The following HLCS variants were observed in gnomAD, a reference collection of about 807,000 sequenced individuals.
HLCS encodes biotin--protein ligase.
A neutral mutation model predicts 75.0 loss-of-function variants in HLCS; 53 were observed. The observed-to-expected ratio is 0.71, with a 90% CI of 0.57 to 0.89. The LOEUF (loss-of-function observed/expected upper bound fraction) is 0.89, where lower values mean the gene tolerates loss of function less well. HLCS is among the 40% of genes least tolerant of loss of function. The pLI is 0.00. For synonymous variants in HLCS, 431 were observed against 428.6 expected (o/e 1.01, Z -0.07); for missense variants, 966 against 1,074.0 (o/e 0.90, Z 1.41).
intron 6 of HLCS, among the ~76,000 whole-genome samples, chr21:36,896,358 A>T (rs2065011664): frequency 6.6e-6 from 1 of 152,216 alleles, no homozygotes; most frequent in Non-Finnish European, 1.5e-5. Flanking sequence ...TCAATCAATC[A>T]ATCAATGAAT....
intron 6 of HLCS, among the ~76,000 whole-genome samples, chr21:36,801,782 CTTTT>C (rs113671511): frequency 6.9e-6 from 1 of 145,666 alleles, no homozygotes; most frequent in African/African-American, 2.5e-5. Context: ...GATTTCCTTT[CTTTT>C]TTTTTTTTAA....
At chr21:36,860,722 G>A (rs1374600597) in intron 6 of HLCS, among the ~76,000 whole-genome samples, 8 of 152,232 alleles carry the variant, frequency 5.3e-5, no homozygotes, top group African/African-American at 1.9e-4. Context: ...ACCATGTCTA[G>A]TTTAGACACG....
intron 10 of HLCS, among the ~76,000 whole-genome samples, chr21:36,754,892 G>A (rs1869148711): frequency 6.6e-6 from 1 of 152,164 alleles, no homozygotes; most frequent in South Asian, 2.1e-4. Context: ...ATGTACTCAA[G>A]TCACGTCCTT....
intron 8 of HLCS, among the ~76,000 whole-genome samples, chr21:36,764,808 G>A (rs1485111177): frequency 6.6e-6 from 1 of 152,234 alleles, no homozygotes; most frequent in African/African-American, 2.4e-5. Context: ...GGGAGTTCTG[G>A]GGAATGAATG....
intron 1 of HLCS, chr21:36,974,095 G>A (rs1042622836): frequency 6.6e-6 from 1 of 152,414 alleles, no homozygotes; most frequent in African/African-American, 2.4e-5. Flanking sequence ...TAGGGCTGAG[G>A]GCACACAACA....
At chr21:36,896,765 C>A (rs1319031810) in intron 6 of HLCS, 95 bp downstream of exon 6, 2 of 1,402,372 alleles carry the variant, frequency 1.4e-6, no homozygotes, top group Admixed American at 3.4e-5. Context: ...AAACGTATTC[C>A]TCTACAACTC....
chr21:36,849,319 T>C (rs558174426), intron 6 of HLCS, among the ~76,000 whole-genome samples: 1 of 152,358 alleles, frequency 6.6e-6, no homozygotes, highest in East Asian at 1.9e-4. Context: ...CATAAATATA[T>C]GTGCATATAC....
At chr21:36,942,278 A>C (rs2067178663) in intron 2 of HLCS, among the ~76,000 whole-genome samples, 1 of 152,026 alleles carries the variant, frequency 6.6e-6, no homozygotes. Flanking sequence ...TTTTAGAAAA[A>C]GGAGAAACTG....
At chr21:36,838,095 T>C (rs1433503236) in intron 6 of HLCS, among the ~76,000 whole-genome samples, 1 of 152,056 alleles carries the variant, frequency 6.6e-6, no homozygotes, top group Non-Finnish European at 1.5e-5. Context: ...GGTTGACTAG[T>C]GTAACCAAGG....
intron 5 of HLCS, among the ~76,000 whole-genome samples, chr21:36,904,643 C>G (rs888520981): frequency 1.3e-5 from 2 of 152,064 alleles, no homozygotes; most frequent in Non-Finnish European, 2.9e-5. Flanking sequence ...ACTTTCTCCC[C>G]GCTCCACCAT....
intron 6 of HLCS, among the ~76,000 whole-genome samples, chr21:36,883,158 C>A (rs2064302753): frequency 6.6e-6 from 1 of 152,178 alleles, no homozygotes; most frequent in Admixed American, 6.5e-5. Context: ...AAAGGTATTT[C>A]AGAGCTCAGA....
intron 6 of HLCS, among the ~76,000 whole-genome samples, chr21:36,822,329 AG>A (rs1354048078): frequency 6.6e-6 from 1 of 152,156 alleles, no homozygotes; most frequent in East Asian, 1.9e-4. Context: ...CTGAGGCAGA[AG>A]AATTGCTTGA....
At chr21:36,946,225 C>T (rs1030350077) in intron 2 of HLCS, 2 of 242,762 alleles carry the variant, frequency 8.2e-6, no homozygotes, top group East Asian at 1.8e-4. Flanking sequence ...AGGCTCAATC[C>T]TATCCCTCAA....
Position 36,788,872 on chromosome 21 carries a change from G to T in HLCS, c.1893-21587C>A, listed in dbSNP as rs370159725. On this transcript the variant is annotated intron_variant, in intron 6 of 10. Transcript: ENST00000674895. ...TGTTTTTGTGGGGCACTTTTTTGCGGGGGAAGGGGCAGAAAGATTAGGAAT... is the reference window on the plus strand; with the variant it reads ...TGTTTTTGTGGGGCACTTTTTTGCGTGGGAAGGGGCAGAAAGATTAGGAAT... 2.6e-5 allele frequency among the ~76,000 whole-genome samples: 4 copies of T among 152,232 alleles called. No homozygotes were observed. The East Asian group carries it at 7.7e-4, about 29-fold the overall frequency.
intron 6 of HLCS, among the ~76,000 whole-genome samples, chr21:36,783,822 TAC>T (rs34087473): frequency 0.2 from 29,660 of 151,208 alleles, 3,569 homozygotes; most frequent in Middle Eastern, 0.3. Flanking sequence ...CACATGCACA[TAC>T]ACACACACAC....
intron 1 of HLCS, among the ~76,000 whole-genome samples, chr21:36,978,600 T>TG (rs1488092223): frequency 2.0e-5 from 3 of 152,078 alleles, no homozygotes; most frequent in African/African-American, 7.2e-5. Context: ...GGTGGGATCC[T>TG]GTAGAGCACA....
intron 9 of HLCS, among the ~76,000 whole-genome samples, chr21:36,757,619 C>T (rs2089654449): frequency 1.3e-5 from 2 of 152,222 alleles, no homozygotes; most frequent in Admixed American, 1.3e-4. Context: ...ACAGGCAGAA[C>T]AATGCCATTT....
At chr21:36,926,053 T>C (rs971915998) in intron 5 of HLCS, among the ~76,000 whole-genome samples, 1 of 152,222 alleles carries the variant, frequency 6.6e-6, no homozygotes, top group Admixed American at 6.5e-5. Context: ...GGCGGGAAGA[T>C]GTGGTGGCCA....
intron 6 of HLCS, among the ~76,000 whole-genome samples, chr21:36,889,057 C>G (rs538099594): frequency 6.6e-6 from 1 of 152,322 alleles, no homozygotes; most frequent in East Asian, 1.9e-4. Flanking sequence ...GGCATGGACG[C>G]TGCCTGAGCC....
Sources: allele counts gnomAD v4.1 joint callset (sites outside exome capture counted in the v4.1 genomes callset), GRCh38; gene constraint gnomAD v4.1.1; transcripts MANE v1.5; gene names NCBI Gene and HGNC (gene_info 2026-07-23, HGNC 2026-07-21).